Variants in SGK3 observed in about 807,000 individuals in gnomAD.
The protein encoded by SGK3 is serine/threonine-protein kinase Sgk3.
SGK3 carries 47 observed loss-of-function variants against 68.5 expected under a neutral mutation model. The observed-to-expected ratio is 0.69, with a 90% CI of 0.54 to 0.87. The LOEUF (loss-of-function observed/expected upper bound fraction) is 0.87, where lower values mean the gene tolerates loss of function less well. Ranked by LOEUF, SGK3 falls within the 40% of genes least tolerant of loss-of-function variation. The probability of loss-of-function intolerance (pLI) is 0.00; values close to 1 mark genes in which losing one functional copy is unlikely to be tolerated. For missense variants in SGK3, 479 were observed against 575.5 expected, an observed-to-expected ratio of 0.83 and a Z score of 1.72; for synonymous variants, 181 against 189.1, an observed-to-expected ratio of 0.96 and a Z score of 0.35.
chr8:66,822,299 AT>A, intron 5 of SGK3, 72 bp from the exon 6 acceptor site: 1 of 1,376,416 alleles, frequency 7.3e-7, no homozygotes, highest in South Asian at 1.5e-5. Context: ...TTCTATTTTG[AT>A]TTTCATTTTA....
At chr8:66,725,914 G>A (rs1162562976) in intron 1 of SGK3, among the ~76,000 whole-genome samples, 2 of 152,014 alleles carry the variant, frequency 1.3e-5, no homozygotes, top group Non-Finnish European at 2.9e-5. Flanking sequence ...TAATACCATT[G>A]CAATTACTGC....
intron 1 of SGK3, among the ~76,000 whole-genome samples, chr8:66,762,079 T>A (rs1806185428): frequency 6.6e-6 from 1 of 152,146 alleles, no homozygotes; most frequent in South Asian, 2.1e-4. Flanking sequence ...AGTGCAGTGG[T>A]GCAATCTCAG....
intron 6 of SGK3, among the ~76,000 whole-genome samples, chr8:66,825,138 G>A (rs568522061): frequency 6.6e-6 from 1 of 152,246 alleles, no homozygotes; most frequent in Non-Finnish European, 1.5e-5. Context: ...ATAGAACCAA[G>A]CTGAGAGATT....
intron 1 of SGK3, among the ~76,000 whole-genome samples, chr8:66,765,276 T>C (rs983573928): frequency 2.6e-5 from 4 of 152,304 alleles, no homozygotes; most frequent in Admixed American, 6.5e-5. Context: ...TGGTATCTCA[T>C]TGTGATTTTG....
At chr8:66,785,759 C>G (rs945554756) in intron 1 of SGK3, among the ~76,000 whole-genome samples, 3 of 152,306 alleles carry the variant, frequency 2.0e-5, no homozygotes, top group African/African-American at 7.2e-5. Flanking sequence ...TTCTTTCTGT[C>G]TTGTTGGACT....
At chr8:66,807,989 A>C (rs1808233212) in intron 4 of SGK3, among the ~76,000 whole-genome samples, 1 of 152,222 alleles carries the variant, frequency 6.6e-6, no homozygotes, top group Non-Finnish European at 1.5e-5. Context: ...TGGAAAAAAA[A>C]ATCACAGTGC....
chr8:66,844,548 A>T (rs954015100), intron 14 of SGK3, among the ~76,000 whole-genome samples: 2 of 152,200 alleles, frequency 1.3e-5, no homozygotes, highest in Non-Finnish European at 2.9e-5. Flanking sequence ...GCTTTATAAG[A>T]GTACATGTAT....
In SGK3 at chr8:66,805,751, G is replaced by A. The variant is rs76059509; in HGVS notation, c.253+1304G>A. Among the ~76,000 whole-genome samples, 5 of 152,272 alleles carry A rather than the reference G, an allele frequency of 3.3e-5. No individual in the cohort carries two copies. In the East Asian group the frequency reaches 9.7e-4, roughly 29 times the overall value. ...AAAGTCATCTATCTCTGCCACAGAT[G>A]AATCCTGAATGGATTGCCCTCCTTC... is the stretch of plus-strand genomic sequence containing the variant. On this transcript the variant is annotated intron_variant, in intron 4 of 16. Coordinates refer to ENST00000521198, the MANE Select transcript of SGK3 (RefSeq NM_001033578.3).
At chr8:66,856,061 C>T (rs1810493961) in intron 16 of SGK3, among the ~76,000 whole-genome samples, 1 of 149,190 alleles carries the variant, frequency 6.7e-6, no homozygotes, top group South Asian at 2.1e-4. Flanking sequence ...AGGCAGAGCC[C>T]TCAACTGTTC....
chr8:66,786,943 T>A (rs1409707313), intron 1 of SGK3, among the ~76,000 whole-genome samples: 1 of 124,666 alleles, frequency 8.0e-6, no homozygotes, highest in Non-Finnish European at 1.7e-5. Context: ...TTTTTTTTTT[T>A]TTTTTTTTTT....
chr8:66,842,750 GA>G (rs1005246406), intron 13 of SGK3, among the ~76,000 whole-genome samples: 2 of 151,532 alleles, frequency 1.3e-5, no homozygotes, highest in African/African-American at 4.8e-5. Context: ...TTACTGAAAA[GA>G]AAAAAAAGGA....
At chr8:66,800,942 G>A (rs1807919312) in intron 3 of SGK3, among the ~76,000 whole-genome samples, 1 of 152,114 alleles carries the variant, frequency 6.6e-6, no homozygotes, top group Admixed American at 6.5e-5. Context: ...CCATGACCAT[G>A]CCACTACACC....
intron 1 of SGK3, among the ~76,000 whole-genome samples, chr8:66,781,299 AC>A (rs1178397956): frequency 2.0e-5 from 3 of 152,172 alleles, no homozygotes; most frequent in Non-Finnish European, 4.4e-5. Context: ...GAGGGACATG[AC>A]ATGGTTGAAG....
intron 8 of SGK3, 107 bp downstream of exon 8, chr8:66,831,418 C>T: frequency 7.6e-7 from 1 of 1,316,618 alleles, no homozygotes; most frequent in South Asian, 1.3e-5. Flanking sequence ...GCAGTCATAG[C>T]ACACTTGAAC....
At chr8:66,744,519 A>ATATATT (rs1563605717) in intron 1 of SGK3, among the ~76,000 whole-genome samples, 4 of 21,272 alleles carry the variant, frequency 1.9e-4, no homozygotes, top group East Asian at 1.8e-3. Context: ...ATATATATAT[A>ATATATT]TTTTTTTTTT....
In SGK3 at chr8:66,735,551, C is replaced by T. The variant is rs145103898; in HGVS notation, c.-122+22718C>T. The stretch of plus-strand genomic sequence containing the variant: ...TATCTGTTGGGCAATTCTGTACTAC[C>T]CTATGTGGCATTTGCCCCTAAGCCT... On this transcript the variant is annotated intron_variant, in intron 1 of 16. Transcript: ENST00000521198. Among the ~76,000 whole-genome samples the T allele has an allele frequency of 4.6e-5, 7 of 152,164 alleles. No homozygotes were observed. In the East Asian group the frequency reaches 1.4e-3, roughly 29 times the overall value.
At chr8:66,800,635 T>C (rs571227445) in intron 3 of SGK3, among the ~76,000 whole-genome samples, 2 of 152,248 alleles carry the variant, frequency 1.3e-5, no homozygotes, top group Admixed American at 6.5e-5. Context: ...TTCCTGTGTT[T>C]TGTTAAGTCA....
At chr8:66,754,663 T>A (rs1269722680) in intron 1 of SGK3, among the ~76,000 whole-genome samples, 13 of 152,248 alleles carry the variant, frequency 8.5e-5, no homozygotes. Context: ...TTTTAAGTAA[T>A]TCTGTACATG....
chr8:66,852,569 G>A (rs1300141535), intron 16 of SGK3, among the ~76,000 whole-genome samples: 6 of 152,122 alleles, frequency 3.9e-5, no homozygotes, highest in Non-Finnish European at 8.8e-5. Context: ...ATGAGCTACT[G>A]TGCCCGGCCA....
Sources: allele counts gnomAD v4.1 joint callset (sites outside exome capture counted in the v4.1 genomes callset), GRCh38; gene constraint gnomAD v4.1.1; transcripts MANE v1.5; gene names NCBI Gene and HGNC (gene_info 2026-07-23, HGNC 2026-07-21).